The following CNTNAP2 variants were observed in gnomAD, a reference collection of about 807,000 sequenced individuals.
The protein encoded by CNTNAP2 is contactin-associated protein-like 2.
Under a neutral mutation model 155.2 loss-of-function variants are expected in CNTNAP2, and 98 were observed. The observed-to-expected ratio is 0.63, with a 90% CI of 0.54 to 0.75. The LOEUF is 0.75. CNTNAP2 is among the 30% of genes least tolerant of loss of function. CNTNAP2 has a pLI of 0.00. For missense variants in CNTNAP2, 1,727 were observed against 1,688.1 expected (o/e 1.02, Z -0.40); for synonymous variants, 651 against 631.2 (o/e 1.03, Z -0.47).
At chr7:146,129,538 A>G (rs539482781) in intron 1 of CNTNAP2, among the ~76,000 whole-genome samples, 3 of 152,298 alleles carry the variant, frequency 2.0e-5, no homozygotes, top group African/African-American at 7.2e-5. Context: ...GTAAAGAGGG[A>G]CTACTCAGAA....
intron 21 of CNTNAP2, among the ~76,000 whole-genome samples, chr7:148,293,287 T>C (rs1164903066): frequency 4.6e-5 from 7 of 152,166 alleles, no homozygotes; most frequent in African/African-American, 1.7e-4. Context: ...AAATCTGCAG[T>C]ATTAAAGTTA....
At chr7:146,905,506 G>A (rs1338068864) in intron 3 of CNTNAP2, among the ~76,000 whole-genome samples, 1 of 152,116 alleles carries the variant, frequency 6.6e-6, no homozygotes, top group Non-Finnish European at 1.5e-5. Flanking sequence ...TTTGATCAGA[G>A]TTGCCTGAGT....
chr7:147,969,909 ATTTAT>A (rs60858284), intron 14 of CNTNAP2, among the ~76,000 whole-genome samples: 13 of 149,434 alleles, frequency 8.7e-5, no homozygotes, highest in Admixed American at 2.7e-4. Context: ...TTAGTTATGA[ATTTAT>A]TTTATTTTAT....
chr7:146,678,888 A>G (rs1000172487), intron 1 of CNTNAP2, among the ~76,000 whole-genome samples: 1 of 152,220 alleles, frequency 6.6e-6, no homozygotes, highest in Non-Finnish European at 1.5e-5. Flanking sequence ...ATTTGTTTTC[A>G]GATCATAAAT....
intron 1 of CNTNAP2, among the ~76,000 whole-genome samples, chr7:146,650,064 G>A (rs903054222): frequency 6.6e-6 from 1 of 152,076 alleles, no homozygotes; most frequent in Non-Finnish European, 1.5e-5. Flanking sequence ...CACTGCTGGT[G>A]GGAGTGTTAT....
chr7:147,592,677 A>G (rs1800760937), intron 12 of CNTNAP2, among the ~76,000 whole-genome samples: 1 of 152,228 alleles, frequency 6.6e-6, no homozygotes, highest in Non-Finnish European at 1.5e-5. Flanking sequence ...GATATCTGCA[A>G]CAAATTACAT....
intron 21 of CNTNAP2, among the ~76,000 whole-genome samples, chr7:148,316,073 A>AG (rs1425242211): frequency 6.6e-6 from 1 of 152,160 alleles, no homozygotes; most frequent in Admixed American, 6.6e-5. Flanking sequence ...AAAAAGATAG[A>AG]GGGAAAAAAA....
intron 1 of CNTNAP2, among the ~76,000 whole-genome samples, chr7:146,331,405 T>C (rs1048440165): frequency 6.6e-6 from 1 of 152,078 alleles, no homozygotes; most frequent in Non-Finnish European, 1.5e-5. Context: ...GCTGTCTCAG[T>C]TATTCAGTAT....
chr7:148,397,199 G>C (rs940651746), intron 22 of CNTNAP2, among the ~76,000 whole-genome samples: 2 of 152,126 alleles, frequency 1.3e-5, no homozygotes, highest in Admixed American at 6.5e-5. Flanking sequence ...ACACTGACTG[G>C]GTGGCCACAG....
intron 1 of CNTNAP2, among the ~76,000 whole-genome samples, chr7:146,516,571 G>A (rs2129136530): frequency 6.6e-6 from 1 of 152,016 alleles, no homozygotes; most frequent in Admixed American, 6.6e-5. Context: ...CATGTCAGGA[G>A]GGAGTATAAG....
In CNTNAP2 at chr7:146,711,779, T is replaced by C. The variant is rs1439146441; in HGVS notation, c.98-62492T>C. Reference sequence around the variant, plus strand: ...TATGTATACATATATAGTATACACATCTTATGTATACATATATAGTATACA... The same window carrying C: ...TATGTATACATATATAGTATACACACCTTATGTATACATATATAGTATACA... On this transcript the variant is annotated intron_variant, in intron 1 of 23. Coordinates refer to ENST00000361727, the MANE Select transcript of CNTNAP2 (RefSeq NM_014141.6). 5.3e-4 allele frequency among the ~76,000 whole-genome samples: 69 copies of C among 129,602 alleles called. 1 individual carries two copies. The highest frequency in any genetic ancestry group is 7.0e-4 in the African/African-American group (28 of 40,226). The allele number at this position is 129,602 out of a possible 152,430, so 85.0% of individuals were successfully genotyped here.
At chr7:146,281,628 C>T (rs541138299) in intron 1 of CNTNAP2, among the ~76,000 whole-genome samples, 6 of 151,926 alleles carry the variant, frequency 3.9e-5, no homozygotes, top group Admixed American at 6.6e-5. Context: ...AACCCTGTCT[C>T]TATTAAAAAT....
chr7:146,178,942 C>G (rs1286213190), intron 1 of CNTNAP2, among the ~76,000 whole-genome samples: 1 of 152,166 alleles, frequency 6.6e-6, no homozygotes, highest in Non-Finnish European at 1.5e-5. Context: ...TGATTTAGGG[C>G]TGCTGTTATC....
At chr7:146,144,525 C>T (rs1471312933) in intron 1 of CNTNAP2, among the ~76,000 whole-genome samples, 1 of 152,072 alleles carries the variant, frequency 6.6e-6, no homozygotes. Context: ...CTTCCTGTTC[C>T]CAGGCTAAAA....
chr7:148,404,521 C>T (rs4725781), intron 22 of CNTNAP2, among the ~76,000 whole-genome samples: 40,138 of 152,146 alleles, frequency 0.26, 5,840 homozygotes, highest in Non-Finnish European at 0.33. Flanking sequence ...TCACTCAAAC[C>T]TTTTGCGGGA....
intron 14 of CNTNAP2, among the ~76,000 whole-genome samples, chr7:147,955,407 C>A (rs1801003480): frequency 6.6e-6 from 1 of 151,566 alleles, no homozygotes; most frequent in Admixed American, 6.6e-5. Context: ...TACATTATTC[C>A]AAAACAAAAA....
At chr7:147,196,843 A>T (rs1249258004) in intron 8 of CNTNAP2, among the ~76,000 whole-genome samples, 1 of 152,116 alleles carries the variant, frequency 6.6e-6, no homozygotes, top group East Asian at 1.9e-4. Flanking sequence ...GAGGCTCAAA[A>T]GACTTGGTGG....
chr7:146,517,790 G>T (rs546597142), intron 1 of CNTNAP2, among the ~76,000 whole-genome samples: 2 of 152,044 alleles, frequency 1.3e-5, no homozygotes, highest in South Asian at 4.1e-4. Flanking sequence ...GTGGTTAGCA[G>T]CCATGCAGAT....
At chr7:147,488,305 C>T (rs548789795) in intron 11 of CNTNAP2, among the ~76,000 whole-genome samples, 5 of 152,304 alleles carry the variant, frequency 3.3e-5, no homozygotes, top group East Asian at 1.9e-4. Flanking sequence ...ATGTGTCTGA[C>T]GCTAGCTATA....
Sources: gnomAD v4.1 joint callset for allele counts (sites outside exome capture counted in the v4.1 genomes callset) on GRCh38, gnomAD v4.1.1 for gene constraint, MANE v1.5 for transcripts, NCBI Gene and HGNC (gene_info 2026-07-23, HGNC 2026-07-21) for gene names.